Variants in SIMC1 observed in about 807,000 individuals in gnomAD.
SIMC1 encodes SUMO-interacting motif-containing protein 1.
A neutral mutation model predicts 82.3 loss-of-function variants in SIMC1; 55 were observed. The ratio of observed to expected loss-of-function variants is 0.67; its 90% CI spans 0.54 to 0.84. The LOEUF (loss-of-function observed/expected upper bound fraction) is 0.84, where lower values mean the gene tolerates loss of function less well. Among genes scored for constraint, SIMC1 ranks in the 40% least tolerant of loss-of-function variants. The probability of loss-of-function intolerance (pLI) is 0.00; values close to 1 mark genes in which losing one functional copy is unlikely to be tolerated. For synonymous variants in SIMC1, 353 were observed against 426.3 expected (o/e 0.83, Z 2.12); for missense variants, 915 against 1,107.2 (o/e 0.83, Z 2.46).
At chr5:176,303,041 G>A (rs1367569973) in intron 4 of SIMC1, among the ~76,000 whole-genome samples, 1 of 151,592 alleles carries the variant, frequency 6.6e-6, no homozygotes, top group East Asian at 1.9e-4. Flanking sequence ...TTTTTTTGTA[G>A]AAATAGAAAA....
At chr5:176,271,891 AATT>A (rs202188753) in intron 1 of SIMC1, among the ~76,000 whole-genome samples, 6,564 of 140,100 alleles carry the variant, frequency 0.047, 491 homozygotes, top group African/African-American at 0.16. Flanking sequence ...TTATATATAT[AATT>A]ATTATACATT....
intron 1 of SIMC1, among the ~76,000 whole-genome samples, chr5:176,252,558 C>T (rs948444899): frequency 7.9e-5 from 12 of 151,044 alleles, no homozygotes; most frequent in East Asian, 4.0e-4. Context: ...CGGGCAGAGA[C>T]GCTCCTCACT....
intron 7 of SIMC1, among the ~76,000 whole-genome samples, chr5:176,329,496 T>TAA (rs60571584): frequency 0.011 from 1,405 of 126,544 alleles, 17 homozygotes; most frequent in African/African-American, 0.03. Context: ...ACTCCCTCTT[T>TAA]AAAAAAAAAA....
intron 5 of SIMC1, among the ~76,000 whole-genome samples, chr5:176,316,060 A>C (rs551347998): frequency 6.6e-6 from 1 of 152,110 alleles, no homozygotes; most frequent in African/African-American, 2.4e-5. Context: ...CTGTAATCCC[A>C]GCTACTTGGG....
chr5:176,342,903 G>C (rs2113427055), intron 9 of SIMC1, among the ~76,000 whole-genome samples: 1 of 152,270 alleles, frequency 6.6e-6, no homozygotes, highest in South Asian at 2.1e-4. Context: ...CAAGGACTGG[G>C]CCCAAGGCTC....
chr5:176,292,433 C>G (rs1332952132), intron 2 of SIMC1, among the ~76,000 whole-genome samples: 3 of 152,196 alleles, frequency 2.0e-5, no homozygotes, highest in Non-Finnish European at 4.4e-5. Flanking sequence ...GCCAAGGATT[C>G]ACACTGATTT....
chr5:176,290,891 T>A lies in SIMC1; in HGVS notation c.1367T>A (p.Phe456Tyr), dbSNP rs765827246. The stretch of plus-strand genomic sequence containing the variant: ...CCATGCCTGCATAGACTGAAGTACT[T>A]CTTACGTCCTCCGGTTCATCACCTC... Reference protein sequence around the residue: ...NRPCLHRLKYFLRPPVHHLFF... With the variant: ...NRPCLHRLKYYLRPPVHHLFF... Residue 456 changes from phenylalanine (F) to tyrosine (Y), a missense_variant, in exon 2 of 10, where the codon TTC becomes TAC. Around this residue, in one of 2 missense-constraint regions of SIMC1, gnomAD observed 902 missense variants for 1,040.3 expected, o/e 0.87. Coordinates refer to ENST00000429602, the MANE Select transcript of SIMC1 (RefSeq NM_001308195.2). 6.2e-7 allele frequency: 1 copy of A among 1,612,358 alleles called. No individual in the cohort carries two copies. The highest frequency in any genetic ancestry group is 8.5e-7 in the Non-Finnish European group (1 of 1,178,946).
At chr5:176,288,026 C>T (rs1763373735) in intron 1 of SIMC1, among the ~76,000 whole-genome samples, 1 of 152,114 alleles carries the variant, frequency 6.6e-6, no homozygotes, top group Admixed American at 6.6e-5. Context: ...AAACTCCAAA[C>T]AATCAAAGGG....
At chr5:176,303,545 C>T (rs1288899967) in intron 4 of SIMC1, among the ~76,000 whole-genome samples, 1 of 152,084 alleles carries the variant, frequency 6.6e-6, no homozygotes, top group East Asian at 1.9e-4. Context: ...GTCTCGAACT[C>T]CCGACCTCAG....
At chr5:176,242,951 G>A (rs1761320037) in intron 1 of SIMC1, among the ~76,000 whole-genome samples, 1 of 151,906 alleles carries the variant, frequency 6.6e-6, no homozygotes, top group African/African-American at 2.4e-5. Context: ...CGGTATTTTT[G>A]TTCTTTTAAT....
At chr5:176,265,920 G>A (rs1762192232) in intron 1 of SIMC1, among the ~76,000 whole-genome samples, 1 of 152,034 alleles carries the variant, frequency 6.6e-6, no homozygotes, top group South Asian at 2.1e-4. Flanking sequence ...TTCTCAAATG[G>A]GGGAGAAGAT....
chr5:176,277,571 T>C (rs923126394), intron 1 of SIMC1, among the ~76,000 whole-genome samples: 3 of 152,098 alleles, frequency 2.0e-5, no homozygotes, highest in Non-Finnish European at 4.4e-5. Flanking sequence ...CTAGGGTTTT[T>C]ATAGTTTTAG....
chr5:176,269,998 C>T (rs148813782), intron 1 of SIMC1, among the ~76,000 whole-genome samples: 4,845 of 151,468 alleles, frequency 0.032, 108 homozygotes, highest in Non-Finnish European at 0.051. Context: ...CTCAAGAGAT[C>T]CTCCCGCCTA....
At chr5:176,306,644 G>A (rs1047226860) in intron 4 of SIMC1, among the ~76,000 whole-genome samples, 71 of 151,728 alleles carry the variant, frequency 4.7e-4, no homozygotes, top group Non-Finnish European at 8.1e-4. Flanking sequence ...AACATGTGCT[G>A]TGTCCACTCA....
At position 176,290,539 on chromosome 5, in the gene SIMC1, C is replaced by A. The variant is rs757304071; in HGVS notation, c.1015C>A (p.Pro339Thr). The change falls in exon 2 of 10, where the codon CCG (proline) becomes ACG (threonine). Residue 339 changes from proline (P) to threonine (T), a missense_variant. By Grantham distance (38) the Pro-to-Thr change is conservative (BLOSUM62 -1). Transcript: ENST00000429602. The part of the protein sequence containing the change: ...PQSPGGMPHL[P>T]GDVLHSPGDM... ...GTCACCAGGGGGCATGCCACACTTA[C>A]CGGGAGATGTGTTACATTCACCTGG... The A allele has an allele frequency of 7.4e-6, 12 of 1,613,874 alleles. No individual in the cohort carries two copies. Among genetic ancestry groups the A allele is most frequent in the Non-Finnish European group, 1.0e-5 (12 of 1,179,904 alleles).
chr5:176,341,753 ATGAT>A (rs1766160326), intron 9 of SIMC1, among the ~76,000 whole-genome samples: 1 of 94,048 alleles, frequency 1.1e-5, no homozygotes, highest in African/African-American at 4.3e-5. Context: ...TCCTATAGTG[ATGAT>A]GATGATGATG....
At chr5:176,298,956 G>GT (rs1763931390) in intron 4 of SIMC1, among the ~76,000 whole-genome samples, 1 of 152,224 alleles carries the variant, frequency 6.6e-6, no homozygotes, top group African/African-American at 2.4e-5. Context: ...TATGGCCATA[G>GT]TAAGTTCTTC....
intron 1 of SIMC1, among the ~76,000 whole-genome samples, chr5:176,253,633 G>A (rs1432668417): frequency 2.6e-5 from 4 of 152,066 alleles, no homozygotes; most frequent in Non-Finnish European, 2.9e-5. Flanking sequence ...TTTTAGCCAC[G>A]TTTGAGCAAC....
At chr5:176,260,442 C>T (rs1412126236) in intron 1 of SIMC1, among the ~76,000 whole-genome samples, 2 of 151,974 alleles carry the variant, frequency 1.3e-5, no homozygotes, top group Non-Finnish European at 2.9e-5. Context: ...CCACCTGTTA[C>T]CCAAAAACCT....
Sources: allele counts gnomAD v4.1 joint callset (sites outside exome capture counted in the v4.1 genomes callset), GRCh38; gene constraint gnomAD v4.1.1; regional missense constraint gnomAD v4.1.1; transcripts MANE v1.5; gene names NCBI Gene and HGNC (gene_info 2026-07-23, HGNC 2026-07-21).